KCND2: variants seen among roughly 807,000 people sequenced by gnomAD.
The protein encoded by KCND2 is A-type voltage-gated potassium channel KCND2.
A neutral mutation model predicts 54.4 loss-of-function variants in KCND2; 16 were observed. The observed-to-expected ratio is 0.29, with a 90% CI of 0.20 to 0.45. The LOEUF is 0.45. KCND2 is among the 20% of genes least tolerant of loss of function. KCND2 has a pLI of 1.00. For missense variants in KCND2, 486 were observed against 824.2 expected (o/e 0.59, Z 5.02); for synonymous variants, 317 against 310.7 (o/e 1.02, Z -0.21).
intron 1 of KCND2, among the ~76,000 whole-genome samples, chr7:120,629,794 G>C (rs7780148): frequency 0.04 from 6,039 of 152,134 alleles, 401 homozygotes; most frequent in African/African-American, 0.14. Context: ...TGTGTGAGAG[G>C]GTGAGGAATA....
chr7:120,732,838 A>C, intron 1 of KCND2, 65 bp from the exon 2 acceptor site: 1 of 1,372,160 alleles, frequency 7.3e-7, no homozygotes, highest in South Asian at 1.3e-5. Flanking sequence ...AAAAATTCTT[A>C]GTTTCAGGTA....
intron 1 of KCND2, among the ~76,000 whole-genome samples, chr7:120,700,148 T>C (rs1360516664): frequency 6.6e-6 from 1 of 152,076 alleles, no homozygotes; most frequent in African/African-American, 2.4e-5. Context: ...GGGTTTAGAG[T>C]AATCTTTTAC....
chr7:120,472,671 A>T (rs1331497384), intron 1 of KCND2, among the ~76,000 whole-genome samples: 2 of 152,076 alleles, frequency 1.3e-5, no homozygotes, highest in African/African-American at 2.4e-5. Context: ...CTGGAGTCTT[A>T]TGAAACACTC....
chr7:120,671,855 G>A (rs747150184), intron 1 of KCND2, among the ~76,000 whole-genome samples: 52 of 152,040 alleles, frequency 3.4e-4, no homozygotes, highest in Non-Finnish European at 7.1e-4. Flanking sequence ...CACTGAAAGT[G>A]GGCAGAAGAA....
intron 1 of KCND2, among the ~76,000 whole-genome samples, chr7:120,346,196 T>A (rs1041804341): frequency 6.6e-6 from 1 of 152,214 alleles, no homozygotes; most frequent in Non-Finnish European, 1.5e-5. Flanking sequence ...TATTTTGTTG[T>A]TGAGCTGCAG....
At chr7:120,365,901 A>G (rs888913425) in intron 1 of KCND2, among the ~76,000 whole-genome samples, 3 of 152,178 alleles carry the variant, frequency 2.0e-5, no homozygotes, top group Admixed American at 1.3e-4. Context: ...TGTACAATTT[A>G]CATAAGAATA....
intron 1 of KCND2, among the ~76,000 whole-genome samples, chr7:120,287,619 G>A (rs567447965): frequency 6.6e-6 from 1 of 152,088 alleles, no homozygotes; most frequent in East Asian, 1.9e-4. Flanking sequence ...AGCAATTTAA[G>A]AGGTGGGTGG....
At chr7:120,664,176 G>A (rs1211518551) in intron 1 of KCND2, among the ~76,000 whole-genome samples, 1 of 151,944 alleles carries the variant, frequency 6.6e-6, no homozygotes, top group Non-Finnish European at 1.5e-5. Context: ...TAGTTTTGTT[G>A]GTTGGTTGGT....
chr7:120,551,247 A>G (rs536395091), intron 1 of KCND2, among the ~76,000 whole-genome samples: 2 of 152,360 alleles, frequency 1.3e-5, no homozygotes, highest in African/African-American at 4.8e-5. Flanking sequence ...CTACTTAAAT[A>G]AAGTGCTATA....
At chr7:120,491,469 T>G (rs79483449) in intron 1 of KCND2, among the ~76,000 whole-genome samples, 1 of 152,154 alleles carries the variant, frequency 6.6e-6, no homozygotes, top group Non-Finnish European at 1.5e-5. Context: ...GTAGTCATCA[T>G]GCATAATCGA....
intron 1 of KCND2, among the ~76,000 whole-genome samples, chr7:120,594,675 A>G (rs1391170103): frequency 6.6e-6 from 1 of 152,152 alleles, no homozygotes; most frequent in Non-Finnish European, 1.5e-5. Flanking sequence ...AACAACAACT[A>G]CTTCCTTGCC....
intron 1 of KCND2, among the ~76,000 whole-genome samples, chr7:120,532,284 CAA>C (rs768945948): frequency 1.3e-5 from 2 of 151,626 alleles, no homozygotes; most frequent in African/African-American, 2.4e-5. Context: ...AGAAATCAAA[CAA>C]ATAAATACAC....
chr7:120,315,537 C>T (rs1799799703), intron 1 of KCND2, among the ~76,000 whole-genome samples: 1 of 151,662 alleles, frequency 6.6e-6, no homozygotes, highest in South Asian at 2.1e-4. Context: ...ATCTCGGTGT[C>T]GATTATTTTG....
At chr7:120,427,265 G>A (rs140278849) in intron 1 of KCND2, among the ~76,000 whole-genome samples, 10 of 152,224 alleles carry the variant, frequency 6.6e-5, no homozygotes, top group South Asian at 6.2e-4. Context: ...GATATAGCAC[G>A]TAGTTTATAT....
chr7:120,553,340 A>C (rs949576482), intron 1 of KCND2, among the ~76,000 whole-genome samples: 1 of 152,040 alleles, frequency 6.6e-6, no homozygotes, highest in African/African-American at 2.4e-5. Flanking sequence ...TTTTTCTTTT[A>C]TTAAGGCTAA....
At chr7:120,431,556 AG>A (rs1194483607) in intron 1 of KCND2, among the ~76,000 whole-genome samples, 1 of 152,172 alleles carries the variant, frequency 6.6e-6, no homozygotes, top group African/African-American at 2.4e-5. Context: ...TTCAGCATTC[AG>A]GAATGGATCA....
intron 1 of KCND2, among the ~76,000 whole-genome samples, chr7:120,573,794 G>C (rs1275085982): frequency 1.3e-5 from 2 of 151,792 alleles, no homozygotes; most frequent in Non-Finnish European, 2.9e-5. Context: ...AAGTAGTCAA[G>C]CAAGATACCA....
chr7:120,509,906 C>A (rs78977793), intron 1 of KCND2, among the ~76,000 whole-genome samples: 1 of 152,034 alleles, frequency 6.6e-6, no homozygotes, highest in Non-Finnish European at 1.5e-5. Context: ...ATTCTTCTAG[C>A]CAAACACTTG....
chr7:120,544,682 G>A (rs953227735), intron 1 of KCND2, among the ~76,000 whole-genome samples: 1 of 151,786 alleles, frequency 6.6e-6, no homozygotes, highest in Non-Finnish European at 1.5e-5. Flanking sequence ...AATTCTCATG[G>A]CATATTTTGC....
Sources: gnomAD v4.1 joint callset for allele counts (sites outside exome capture counted in the v4.1 genomes callset) on GRCh38, gnomAD v4.1.1 for gene constraint, MANE v1.5 for transcripts, NCBI Gene and HGNC (gene_info 2026-07-23, HGNC 2026-07-21) for gene names.